PRELID3A: variants seen among roughly 807,000 people sequenced by gnomAD.
PRELID3A encodes PRELI domain containing protein 3A.
In PRELID3A, 27 loss-of-function variants were observed where a neutral mutation model predicts 23.0. The ratio of observed to expected loss-of-function variants is 1.17; its 90% confidence interval spans 0.87 to 1.62. The LOEUF (loss-of-function observed/expected upper bound fraction) is 1.62, where lower values mean the gene tolerates loss of function less well. PRELID3A is among the 40% of genes most tolerant of loss of function. PRELID3A has a pLI of 0.00. For synonymous variants in PRELID3A, 87 were observed against 86.4 expected (o/e 1.01, Z -0.04); for missense variants, 231 against 231.4 (o/e 1.00, Z 0.01).
chr18:12,428,408 C>G (rs1217985557), intron 5 of PRELID3A, among the ~76,000 whole-genome samples: 1 of 152,194 alleles, frequency 6.6e-6, no homozygotes, highest in Non-Finnish European at 1.5e-5. Flanking sequence ...GTCTGTCCCT[C>G]CTACCCCTCA....
At chr18:12,412,409 A>C (rs1386570906) in intron 1 of PRELID3A, among the ~76,000 whole-genome samples, 1 of 150,816 alleles carries the variant, frequency 6.6e-6, no homozygotes, top group Non-Finnish European at 1.5e-5. Context: ...GCTGGTCTCC[A>C]ACTGCTGACC....
At chr18:12,413,304 G>A (rs2143328428) in intron 1 of PRELID3A, among the ~76,000 whole-genome samples, 1 of 152,306 alleles carries the variant, frequency 6.6e-6, no homozygotes, top group South Asian at 2.1e-4. Flanking sequence ...TTAGCCAGGT[G>A]TGGTGGCTTG....
At chr18:12,408,070 G>A (rs1909780005) in intron 1 of PRELID3A, 63 bp downstream of exon 1, 30 of 1,225,554 alleles carry the variant, frequency 2.4e-5, no homozygotes, top group Non-Finnish European at 3.1e-5. Context: ...CCCGAGCCCG[G>A]CTGGAGCGGT....
chr18:12,430,768 T>G (rs1045195753), intron 6 of PRELID3A, among the ~76,000 whole-genome samples: 6 of 150,218 alleles, frequency 4.0e-5, no homozygotes, highest in African/African-American at 1.5e-4. Flanking sequence ...GTGTGTGATG[T>G]GTGTGCATGC....
At chr18:12,414,391 T>C (rs1256129924) in intron 1 of PRELID3A, among the ~76,000 whole-genome samples, 3 of 152,228 alleles carry the variant, frequency 2.0e-5, no homozygotes, top group Non-Finnish European at 4.4e-5. Context: ...TGTCCTTTTA[T>C]TGCTTTTGCA....
chr18:12,409,463 G>A (rs1909842939), intron 1 of PRELID3A, among the ~76,000 whole-genome samples: 1 of 152,070 alleles, frequency 6.6e-6, no homozygotes, highest in Admixed American at 6.6e-5. Context: ...CACCGTGACT[G>A]GCCTGACTTT....
intron 1 of PRELID3A, 114 bp from the exon 2 acceptor site, chr18:12,420,211 A>T: frequency 6.9e-7 from 1 of 1,450,196 alleles, no homozygotes; most frequent in Non-Finnish European, 9.1e-7. Flanking sequence ...CCAGCCTTTC[A>T]TTAAAGTGAA....
chr18:12,429,458 C>A, intron 6 of PRELID3A, 22 bp downstream of exon 6: 1 of 1,509,876 alleles, frequency 6.6e-7, no homozygotes, highest in Non-Finnish European at 9.2e-7. Flanking sequence ...ATTCACTCAC[C>A]TGGGGGGGTA....
At position 12,420,362 on chromosome 18, in the gene PRELID3A, A is replaced by G. The variant is rs1327193001; in HGVS notation, c.70A>G (p.Lys24Glu). 2.5e-6 allele frequency: 4 copies of G among 1,611,408 alleles called. No individual in the cohort carries two copies. In the African/African-American group the frequency reaches 5.3e-5, roughly 22 times the overall value. Reference protein sequence around the residue: ...WDTVIQAAMRKYPNPMNPSVL... With the variant: ...WDTVIQAAMREYPNPMNPSVL... ...CACGGTCATCCAGGCGGCCATGCGC[A>G]AGTACCCGAACCCGATGAACCCGAG... The change falls in exon 2 of 7, where the codon AAG (lysine) becomes GAG (glutamate). Residue 24 changes from lysine to glutamate, a missense_variant. Lys to Glu is a moderately conservative substitution (Grantham distance 56). Transcript: ENST00000440960.
chr18:12,420,468 G>A lies in PRELID3A; in HGVS notation c.176G>A (p.Trp59Ter), dbSNP rs749517213. The A allele has an allele frequency of 6.4e-7, 1 of 1,558,596 alleles. No homozygotes were observed. Among genetic ancestry groups the A allele is most frequent in the South Asian group, 1.2e-5 (1 of 84,864 alleles). Residue 59 changes from tryptophan to a stop codon, truncating the protein, a stop_gained, in exon 2 of 7, where the codon TGG becomes TAG. Coordinates refer to ENST00000440960, the MANE Select transcript of PRELID3A (RefSeq NM_001142405.2). LOFTEE classifies it high-confidence loss of function. ...LHSLRLLSTE[W>*]GLPSLVRAIL... ...AGCTTGCGCCTGCTCAGCACCGAGT[G>A]GGGGCTGCCCAGCCTCGTGAGAGCG... is the stretch of plus-strand genomic sequence containing the variant.
intron 1 of PRELID3A, among the ~76,000 whole-genome samples, chr18:12,418,635 G>T (rs896156876): frequency 5.3e-5 from 8 of 152,256 alleles, no homozygotes; most frequent in Non-Finnish European, 1.2e-4. Flanking sequence ...GTCAGAGAAT[G>T]TTTGTCCTTG....
At chr18:12,410,273 G>A (rs1468661122) in intron 1 of PRELID3A, among the ~76,000 whole-genome samples, 2 of 152,248 alleles carry the variant, frequency 1.3e-5, no homozygotes, top group Admixed American at 6.5e-5. Context: ...GAGATCAGAT[G>A]TCCTTCCAGG....
At chr18:12,411,358 C>A (rs909643709) in intron 1 of PRELID3A, among the ~76,000 whole-genome samples, 1 of 146,762 alleles carries the variant, frequency 6.8e-6, no homozygotes, top group Non-Finnish European at 1.5e-5. Flanking sequence ...CCCAGCTACT[C>A]GGGAGGCTGA....
At chr18:12,415,176 T>C (rs1396339484) in intron 1 of PRELID3A, among the ~76,000 whole-genome samples, 1 of 152,082 alleles carries the variant, frequency 6.6e-6, no homozygotes, top group East Asian at 1.9e-4. Context: ...GTGAACTTCC[T>C]GCCTTGGCCT....
In PRELID3A at chr18:12,420,392, C is replaced by A. The variant is rs2030123932; in HGVS notation, c.100C>A (p.Leu34Met). The change falls in exon 2 of 7, where the codon CTG becomes ATG. Residue 34 changes from leucine (L) to methionine (M), a missense_variant. Transcript: ENST00000440960. ...KYPNPMNPSV[L>M]GVDVLQRRVD... is the part of the protein sequence containing the mutation. ...CCCGAACCCGATGAACCCGAGCGTG[C>A]TGGGCGTGGATGTGCTACAGCGCCG... The A allele has an allele frequency of 6.2e-7, 1 of 1,610,140 alleles. No individual in the cohort carries two copies. Among genetic ancestry groups the A allele is most frequent in the Non-Finnish European group, 8.5e-7 (1 of 1,178,748 alleles).
At chr18:12,420,946 G>T (rs917066456) in intron 2 of PRELID3A, among the ~76,000 whole-genome samples, 1 of 152,076 alleles carries the variant, frequency 6.6e-6, no homozygotes, top group Non-Finnish European at 1.5e-5. Flanking sequence ...TGGTTTAACC[G>T]CCTCTAAAGC....
At chr18:12,419,628 CA>C (rs1017609190) in intron 1 of PRELID3A, among the ~76,000 whole-genome samples, 8 of 147,434 alleles carry the variant, frequency 5.4e-5, no homozygotes, top group African/African-American at 1.5e-4. Context: ...GACCCCATCT[CA>C]AAAAAAAATT....
In PRELID3A at chr18:12,420,321, G is replaced by T. The variant is rs531365917; in HGVS notation, c.33-4G>T. 53 of 1,602,894 alleles carry T rather than the reference G, an allele frequency of 3.3e-5. No homozygotes were observed. In the South Asian group the frequency reaches 4.9e-4, roughly 15 times the overall value. ...GCTCACCGCCGCCTATGCTCTCCCC[G>T]CAGCCACCCGTGGGACACGGTCATC... On this transcript the variant is annotated splice_region_variant and splice_polypyrimidine_tract_variant and intron_variant, in intron 1 of 6. Transcript: ENST00000440960.
intron 2 of PRELID3A, 140 bp from the exon 3 acceptor site, chr18:12,421,400 G>A (rs1042627866): frequency 1.1e-5 from 7 of 644,222 alleles, no homozygotes; most frequent in Non-Finnish European, 2.0e-5. Context: ...TGGACACAGG[G>A]GTTTTGTCTC....
Sources: gnomAD v4.1 joint callset for allele counts (sites outside exome capture counted in the v4.1 genomes callset) on GRCh38, gnomAD v4.1.1 for gene constraint, MANE v1.5 for transcripts, NCBI Gene and HGNC (gene_info 2026-07-23, HGNC 2026-07-21) for gene names.